The following PHYKPL variants were observed in gnomAD, a reference collection of about 807,000 sequenced individuals.
PHYKPL encodes 5-phosphonooxy-L-lysine phospho-lyase.
PHYKPL carries 42 observed loss-of-function variants against 51.3 expected under a neutral mutation model. The observed-to-expected ratio is 0.82, with a 90% CI of 0.64 to 1.06. The LOEUF (loss-of-function observed/expected upper bound fraction) is 1.06, where lower values mean the gene tolerates loss of function less well. PHYKPL is among the 50% of genes least tolerant of loss of function. PHYKPL has a pLI of 0.00. For synonymous variants in PHYKPL, 264 were observed against 236.0 expected (o/e 1.12, Z -1.09); for missense variants, 655 against 586.6 (o/e 1.12, Z -1.20).
Position 178,211,920 on chromosome 5 carries a change from C to T in PHYKPL, c.*1G>A, listed in dbSNP as rs1581209542. On this transcript the variant is annotated 3_prime_UTR_variant, in exon 12 of 13. Transcript: ENST00000308158. ...GTACACTTAGGCAGAGCAGGGCTGG[C>T]TTAGGGCTGGAGCCTCAGCGTTTCA... The T allele has an allele frequency of 6.2e-7, 1 of 1,614,180 alleles. No homozygotes were observed. Among genetic ancestry groups the T allele is most frequent in the South Asian group, 1.1e-5 (1 of 91,074 alleles).
chr5:178,209,496 A>C, intron 12 of PHYKPL: 1 of 1,496,570 alleles, frequency 6.7e-7, no homozygotes, highest in Non-Finnish European at 9.3e-7. Context: ...GCCTACATGG[A>C]GCCTTCCAAG....
chr5:178,210,413 A>C, intron 12 of PHYKPL: 2 of 1,540,800 alleles, frequency 1.3e-6, no homozygotes, highest in Non-Finnish European at 1.8e-6. Flanking sequence ...TTTGAGCCTT[A>C]GACTTCGGGG....
At chr5:178,230,630 G>C (rs1308778901) in intron 2 of PHYKPL, 1 of 154,258 alleles carries the variant, frequency 6.5e-6, no homozygotes, top group Non-Finnish European at 1.4e-5. Flanking sequence ...ACTGTCAACT[G>C]GTTTCACTTC....
rs563114084 is a variant in PHYKPL, at chr5:178,225,710, T to A, written c.339-281A>T. Reference sequence around the variant, plus strand: ...AAAAAACCCAAACCATTGTTTTTCCTCTGCTTTCACACTACAACAATCAAC... The same window carrying A: ...AAAAAACCCAAACCATTGTTTTTCCACTGCTTTCACACTACAACAATCAAC... On this transcript the variant is annotated intron_variant, in intron 3 of 12. Transcript: ENST00000308158. 2.0e-4 allele frequency: 93 copies of A among 458,836 alleles called. 1 individual carries two copies. In the South Asian group the frequency reaches 2.2e-3, roughly 11 times the overall value. The allele number at this position is 458,836 out of a possible 1,614,324, so 28.4% of individuals were successfully genotyped here.
intron 12 of PHYKPL, chr5:178,210,081 C>T: frequency 6.2e-7 from 1 of 1,602,880 alleles, no homozygotes; most frequent in African/African-American, 1.3e-5. Flanking sequence ...CATCCTAGCT[C>T]CTGCGTATGC....
intron 12 of PHYKPL, chr5:178,210,541 T>C (rs1184154741): frequency 3.7e-6 from 6 of 1,613,290 alleles, no homozygotes; most frequent in Non-Finnish European, 5.1e-6. Context: ...CTATGGTTGT[T>C]CTCGTCCCTA....
chr5:178,219,550 C>T (rs565566375), intron 8 of PHYKPL, among the ~76,000 whole-genome samples: 11 of 151,758 alleles, frequency 7.2e-5, no homozygotes, highest in Non-Finnish European at 1.3e-4. Flanking sequence ...CCCGGGTTCA[C>T]GCCATTCTCC....
chr5:178,225,326 G>C (rs765145937), intron 4 of PHYKPL, 29 bp downstream of exon 4: 11 of 1,613,490 alleles, frequency 6.8e-6, no homozygotes, highest in African/African-American at 1.3e-5. Context: ...CAGGCTTCTG[G>C]GAACGGTAGG....
At chr5:178,225,086 G>A (rs1762021724) in intron 4 of PHYKPL, 1 of 568,692 alleles carries the variant, frequency 1.8e-6, no homozygotes. Context: ...TACTGCTGGA[G>A]TAGTTTGAAC....
At position 178,232,369 on chromosome 5, in the gene PHYKPL, G is replaced by A. The variant is rs538274469; in HGVS notation, c.59+123C>T. 3.1e-6 allele frequency: 4 copies of A among 1,309,670 alleles called. No homozygotes were observed. In the South Asian group the frequency reaches 6.4e-5, roughly 21 times the overall value. 81.1% of individuals were successfully genotyped at this position (1,309,670 alleles called of 1,614,324 possible). Reference sequence around the variant, plus strand: ...GCGGGGCCGGGGCAGCGGCCGGACGGGATGGGTAGCAGCGGCTTCCTAGCC... The same window carrying A: ...GCGGGGCCGGGGCAGCGGCCGGACGAGATGGGTAGCAGCGGCTTCCTAGCC... On this transcript the variant is annotated intron_variant, in intron 1 of 12. Coordinates refer to ENST00000308158, the MANE Select transcript of PHYKPL (RefSeq NM_153373.4).
At chr5:178,226,436 G>A (rs1762313315) in intron 3 of PHYKPL, 1 of 152,186 alleles carries the variant, frequency 6.6e-6, no homozygotes, top group Non-Finnish European at 1.5e-5. Context: ...GGTTCAATTT[G>A]CTGGAGTGGC....
chr5:178,231,529 G>A lies in PHYKPL; in HGVS notation c.60-6C>T, dbSNP rs370902205. 1.8e-5 allele frequency: 29 copies of A among 1,614,046 alleles called. No homozygotes were observed. Among genetic ancestry groups the A allele is most frequent in the Middle Eastern group, 1.6e-4 (1 of 6,084 alleles). On this transcript the variant is annotated splice_region_variant and splice_polypyrimidine_tract_variant and intron_variant, in intron 1 of 12. Transcript: ENST00000308158. The stretch of plus-strand genomic sequence containing the variant: ...AAAAGAGTCTGCAGGAAGAGCTGTG[G>A]GGACAGGCAAGGAGTGGACAGCCAT...
intron 4 of PHYKPL, 175 bp from the exon 5 acceptor site, chr5:178,224,904 G>A: frequency 3.4e-6 from 2 of 589,968 alleles, no homozygotes; most frequent in Non-Finnish European, 6.0e-6. Flanking sequence ...AACAATTCTT[G>A]CAAGACTGCT....
At chr5:178,223,476 C>T (rs1337583103) in intron 6 of PHYKPL, 1 of 456,290 alleles carries the variant, frequency 2.2e-6, no homozygotes, top group Non-Finnish European at 4.4e-6. Flanking sequence ...CCCTCAGTGA[C>T]CCCTTCTGCA....
intron 8 of PHYKPL, among the ~76,000 whole-genome samples, chr5:178,219,732 G>A (rs986495282): frequency 6.6e-6 from 1 of 151,908 alleles, no homozygotes; most frequent in African/African-American, 2.4e-5. Flanking sequence ...TTACAGGCGT[G>A]AGCCACCGCA....
intron 12 of PHYKPL, chr5:178,210,163 C>T: frequency 6.2e-7 from 1 of 1,613,968 alleles, no homozygotes; most frequent in Non-Finnish European, 8.5e-7. Flanking sequence ...AGGGCTACGG[C>T]AACTACTGGA....
downstream of PHYKPL, chr5:178,207,323 G>A (rs745987197): frequency 3.4e-6 from 5 of 1,455,414 alleles, no homozygotes; most frequent in Non-Finnish European, 4.7e-6. Flanking sequence ...GAGCTCTCCA[G>A]GTTGGTCAGA....
chr5:178,221,338 C>G (rs886757325), intron 8 of PHYKPL, among the ~76,000 whole-genome samples: 1 of 152,058 alleles, frequency 6.6e-6, no homozygotes, highest in African/African-American at 2.4e-5. Context: ...CTCTATGAAG[C>G]CTCTACTGCT....
rs778688147 is a variant in PHYKPL at position 178,229,939 on chromosome 5, C to T, written c.338+1G>A. 2.5e-6 allele frequency: 4 copies of T among 1,613,160 alleles called. No homozygotes were observed. The highest frequency in any genetic ancestry group is 4.5e-5 in the East Asian group (2 of 44,854). On this transcript the variant is annotated splice_donor_variant, in intron 3 of 12. Transcript: ENST00000308158. LOFTEE classifies it high-confidence loss of function. ...CCGGGGGCTGGCCACAGTCCACTTACCCAGAATTCAGGAAATAGAACACAC... is the reference window on the plus strand; with the variant it reads ...CCGGGGGCTGGCCACAGTCCACTTATCCAGAATTCAGGAAATAGAACACAC...
Sources: allele counts gnomAD v4.1 joint callset (sites outside exome capture counted in the v4.1 genomes callset), GRCh38; gene constraint gnomAD v4.1.1; transcripts MANE v1.5; gene names NCBI Gene and HGNC (gene_info 2026-07-23, HGNC 2026-07-21).